Variants in CABCOCO1 observed in about 807,000 individuals in gnomAD.
CABCOCO1 encodes ciliary-associated calcium-binding coiled-coil protein 1.
CABCOCO1 carries 28 observed loss-of-function variants against 35.7 expected under a neutral mutation model. That is an observed-to-expected ratio of 0.78 (90% CI 0.58 to 1.07). The LOEUF is 1.07. Ranked by LOEUF, CABCOCO1 falls within the 50% of genes least tolerant of loss-of-function variation. The probability of loss-of-function intolerance (pLI) is 0.00; values close to 1 mark genes in which losing one functional copy is unlikely to be tolerated. For missense variants in CABCOCO1, 326 were observed against 309.2 expected, an observed-to-expected ratio of 1.05 and a Z score of -0.41; for synonymous variants, 95 against 100.1, an observed-to-expected ratio of 0.95 and a Z score of 0.30.
In CABCOCO1 at chr10:61,760,059, C is replaced by A. The variant is rs137977526; in HGVS notation, c.553C>A (p.Gln185Lys). The A allele has an allele frequency of 1.0e-4, 162 of 1,612,250 alleles. No individual in the cohort carries two copies. The African/African-American group carries it at 1.8e-3, about 18-fold the overall frequency. ...AATTCAACTTTTTTCTTCCCATCAG[C>A]AAGTGATAGAGGTTGTCAAGTCTGC... ...AREEIVIGTE[Q>K]VIEVVKSACG... Residue 185 changes from glutamine to lysine, a missense_variant and splice_region_variant, in exon 6 of 8, where the codon CAA becomes AAA. By Grantham distance (53) the Gln-to-Lys change is moderately conservative (BLOSUM62 1). Coordinates refer to ENST00000648843, the MANE Select transcript of CABCOCO1 (RefSeq NM_001366906.2).
chr10:61,677,853 T>C (rs1302482654), intron 2 of CABCOCO1, among the ~76,000 whole-genome samples: 1 of 149,696 alleles, frequency 6.7e-6, no homozygotes, highest in Non-Finnish European at 1.5e-5. Flanking sequence ...GCAGCTTGTC[T>C]TTTCAATGTA....
intron 6 of CABCOCO1, 71 bp downstream of exon 6, chr10:61,760,252 C>G: frequency 6.6e-7 from 1 of 1,506,010 alleles, no homozygotes; most frequent in Non-Finnish European, 9.0e-7. Flanking sequence ...AGGAAACGAA[C>G]TAAATGTTTT....
chr10:61,754,960 C>T (rs1456459893), intron 5 of CABCOCO1, among the ~76,000 whole-genome samples: 2 of 152,038 alleles, frequency 1.3e-5, no homozygotes, highest in Non-Finnish European at 2.9e-5. Context: ...GTAAATACTG[C>T]ATATTAAGCA....
intron 5 of CABCOCO1, among the ~76,000 whole-genome samples, chr10:61,724,772 A>G (rs1276484057): frequency 2.6e-5 from 4 of 152,222 alleles, no homozygotes; most frequent in African/African-American, 9.6e-5. Flanking sequence ...TAAAGGGTTA[A>G]TATCTTCAGC....
chr10:61,681,294 T>A lies in CABCOCO1; in HGVS notation c.316T>A (p.Ser106Thr), dbSNP rs1333054602. The A allele has an allele frequency of 6.4e-7, 1 of 1,557,464 alleles. No individual in the cohort carries two copies. The highest frequency in any genetic ancestry group is 1.8e-5 in the Admixed American group (1 of 54,890). The change falls in exon 3 of 8, where the codon TCA becomes ACA. Residue 106 changes from serine (S) to threonine (T), a missense_variant. By Grantham distance (58) the Ser-to-Thr change is moderately conservative. Coordinates refer to ENST00000648843, the MANE Select transcript of CABCOCO1 (RefSeq NM_001366906.2). ...YSKFMTLLAM[S>T]LQNLKTLHMS... is the part of the protein sequence containing the mutation. ...AAAATTTATGACTTTACTAGCTATG[T>A]CACTTCAAAATCTTAAAAGTAAGTA...
chr10:61,759,755 T>C (rs1841967841), intron 5 of CABCOCO1, among the ~76,000 whole-genome samples: 1 of 151,978 alleles, frequency 6.6e-6, no homozygotes, highest in African/African-American at 2.4e-5. Flanking sequence ...TACAGAGGGC[T>C]TGTAGTCAGG....
chr10:61,731,403 G>A (rs1267631472), intron 5 of CABCOCO1, among the ~76,000 whole-genome samples: 1 of 151,874 alleles, frequency 6.6e-6, no homozygotes, highest in South Asian at 2.1e-4. Context: ...CCTCTGAGGA[G>A]GCATGGTTCT....
chr10:61,687,521 G>A (rs1435885542), intron 4 of CABCOCO1, among the ~76,000 whole-genome samples: 1 of 152,098 alleles, frequency 6.6e-6, no homozygotes, highest in Non-Finnish European at 1.5e-5. Flanking sequence ...ATGGGCACAG[G>A]GACTGATAGT....
rs927815834 is a variant in CABCOCO1, at chr10:61,731,427, C to T, written c.553-28632C>T. Among the ~76,000 whole-genome samples the T allele has an allele frequency of 2.7e-4, 41 of 151,824 alleles. 1 individual carries two copies. The highest frequency in any genetic ancestry group is 1.5e-5 in the Non-Finnish European group (1 of 67,926). On this transcript the variant is annotated intron_variant, in intron 5 of 7. Coordinates refer to ENST00000648843, the MANE Select transcript of CABCOCO1 (RefSeq NM_001366906.2). ...AGGCATGGTTCTTTCAGTCCTTCAC[C>T]TGAAGATGAAACCCACATAAAATCC... is the stretch of plus-strand genomic sequence containing the variant.
chr10:61,751,436 A>T (rs1448737404), intron 5 of CABCOCO1, among the ~76,000 whole-genome samples: 2 of 152,014 alleles, frequency 1.3e-5, no homozygotes, highest in Admixed American at 1.3e-4. Context: ...AATGTTAGGG[A>T]CAAGGGAGAG....
chr10:61,726,382 CTTAT>C (rs1425959793), intron 5 of CABCOCO1, among the ~76,000 whole-genome samples: 2 of 151,912 alleles, frequency 1.3e-5, no homozygotes, highest in East Asian at 3.9e-4. Context: ...ATCATACTAT[CTTAT>C]TTATTAAAAT....
chr10:61,669,022 A>AAAAAAAAAAAAAAAAAC (rs1212801202), intron 1 of CABCOCO1, among the ~76,000 whole-genome samples: 8 of 126,780 alleles, frequency 6.3e-5, no homozygotes, highest in Non-Finnish European at 1.4e-4. Flanking sequence ...GGGTTGGGGA[A>AAAAAAAAAAAAAAAAAC]AAAAAAAAAA....
chr10:61,713,508 C>T (rs1485099574), intron 5 of CABCOCO1, among the ~76,000 whole-genome samples: 1 of 152,120 alleles, frequency 6.6e-6, no homozygotes, highest in Non-Finnish European at 1.5e-5. Flanking sequence ...TTATTTCTTT[C>T]TCTTGCCTGA....
At chr10:61,669,284 T>C (rs12242653) in intron 1 of CABCOCO1, among the ~76,000 whole-genome samples, 11,800 of 151,974 alleles carry the variant, frequency 0.078, 501 homozygotes, top group East Asian at 0.11. Flanking sequence ...GAGAAAAACA[T>C]TATCTGGCAG....
intron 4 of CABCOCO1, among the ~76,000 whole-genome samples, chr10:61,689,862 A>G (rs1314555429): frequency 6.6e-6 from 1 of 152,116 alleles, no homozygotes; most frequent in African/African-American, 2.4e-5. Context: ...TGCTCCTTAA[A>G]CTTACTAGAA....
At chr10:61,666,523 A>G (rs1192498143) in intron 1 of CABCOCO1, among the ~76,000 whole-genome samples, 1 of 152,180 alleles carries the variant, frequency 6.6e-6, no homozygotes, top group Non-Finnish European at 1.5e-5. Flanking sequence ...ATATTGACAA[A>G]CACTTAGGCT....
At chr10:61,680,318 A>ATATATATG (rs1839672929) in intron 2 of CABCOCO1, among the ~76,000 whole-genome samples, 1 of 131,068 alleles carries the variant, frequency 7.6e-6, no homozygotes, top group African/African-American at 2.7e-5. Context: ...CTCAAAAAAA[A>ATATATATG]TATATATATA....
intron 5 of CABCOCO1, among the ~76,000 whole-genome samples, chr10:61,744,253 T>G (rs975028353): frequency 6.6e-6 from 1 of 152,168 alleles, no homozygotes; most frequent in African/African-American, 2.4e-5. Context: ...AAACAAGTGA[T>G]TGGAAATAAA....
At chr10:61,680,283 C>G (rs1839669354) in intron 2 of CABCOCO1, among the ~76,000 whole-genome samples, 1 of 146,052 alleles carries the variant, frequency 6.8e-6, no homozygotes, top group Non-Finnish European at 1.5e-5. Context: ...CTGCACTCAG[C>G]CTGGCCGATG....
Sources: gnomAD v4.1 joint callset for allele counts (sites outside exome capture counted in the v4.1 genomes callset) on GRCh38, gnomAD v4.1.1 for gene constraint, MANE v1.5 for transcripts, NCBI Gene and HGNC (gene_info 2026-07-23, HGNC 2026-07-21) for gene names.